FIBCD1: variants seen among roughly 807,000 people sequenced by gnomAD.
FIBCD1 encodes the protein fibrinogen C domain containing 1, also known as fibrinogen C domain-containing protein 1.
In FIBCD1, 47 loss-of-function variants were observed where a neutral mutation model predicts 45.1. The observed-to-expected ratio is 1.04, with a 90% CI of 0.82 to 1.33. The LOEUF (loss-of-function observed/expected upper bound fraction) is 1.33, where lower values mean the gene tolerates loss of function less well. Ranked by LOEUF, FIBCD1 falls within the 40% of genes most tolerant of loss-of-function variation. The pLI, the probability that FIBCD1 is intolerant of heterozygous loss-of-function variation, is 0.00. For synonymous variants in FIBCD1, 313 were observed against 308.1 expected (o/e 1.02, Z -0.17); for missense variants, 653 against 682.2 (o/e 0.96, Z 0.48).
In FIBCD1 at chr9:130,904,147, C is replaced by T. The variant is rs766248349; in HGVS notation, c.1303G>A (p.Val435Met). The T allele has an allele frequency of 3.5e-5, 56 of 1,613,420 alleles. No individual in the cohort carries two copies. In the Middle Eastern group the frequency reaches 4.9e-4, roughly 14 times the overall value. Reference sequence around the variant, plus strand: ...CAGCCGGTCCAGGAGGACCACTCCACGCCGTCGGCATAGGAGGCGTGCGCA... The same window carrying T: ...CAGCCGGTCCAGGAGGACCACTCCATGCCGTCGGCATAGGAGGCGTGCGCA... The part of the protein sequence containing the change: ...RGAHASYADG[V>M]EWSSWTGWQY... Residue 435 changes from valine to methionine, a missense_variant, in exon 7 of 7, where the codon GTG becomes ATG. By Grantham distance (21) the Val-to-Met change is conservative (BLOSUM62 1). Transcript: ENST00000372338.
chr9:130,927,328 TC>T (rs2133113168), intron 2 of FIBCD1, among the ~76,000 whole-genome samples: 1 of 152,180 alleles, frequency 6.6e-6, no homozygotes, highest in South Asian at 2.1e-4. Flanking sequence ...ACAAACAATT[TC>T]TACTATAATA....
At chr9:130,938,394 T>G in intron 1 of FIBCD1, 142 bp downstream of exon 1, 1 of 624,484 alleles carries the variant, frequency 1.6e-6, no homozygotes. Context: ...GAGAGGAGGG[T>G]CCCCATCCCG....
intron 4 of FIBCD1, among the ~76,000 whole-genome samples, chr9:130,912,704 GAAAAA>G (rs10538277): frequency 1.4e-5 from 2 of 141,944 alleles, no homozygotes; most frequent in Non-Finnish European, 3.1e-5. Context: ...AAAACTGTCT[GAAAAA>G]AAAAAAAGGG....
At chr9:130,909,750 A>G (rs1832001332) in intron 5 of FIBCD1, among the ~76,000 whole-genome samples, 1 of 145,180 alleles carries the variant, frequency 6.9e-6, no homozygotes, top group Admixed American at 7.2e-5. Context: ...TTGTTTAGAT[A>G]GTGAAATGTT....
chr9:130,940,143 G>T (rs1259237419), upstream of FIBCD1, among the ~76,000 whole-genome samples: 1 of 152,180 alleles, frequency 6.6e-6, no homozygotes, highest in Admixed American at 6.5e-5. Flanking sequence ...TCCCTCTCCC[G>T]ATCCCTCTAC....
chr9:130,937,436 C>A (rs903387449), intron 1 of FIBCD1, among the ~76,000 whole-genome samples: 1 of 152,084 alleles, frequency 6.6e-6, no homozygotes, highest in African/African-American at 2.4e-5. Flanking sequence ...GAGGTAGTGC[C>A]GATGAATGGG....
intron 4 of FIBCD1, among the ~76,000 whole-genome samples, chr9:130,918,197 T>C (rs1321176625): frequency 2.6e-5 from 4 of 152,264 alleles, no homozygotes; most frequent in Non-Finnish European, 5.9e-5. Flanking sequence ...TTAAATGTGC[T>C]GGTGCACAGC....
rs10585045 is a variant in FIBCD1 at position 130,936,972 on chromosome 9, G to GGTGT, written c.72+1560_72+1563dup. On this transcript the variant is annotated intron_variant, in intron 1 of 6. Transcript: ENST00000372338. ...TATGTAGGGTGTCCCTGAGTGAAGGGGTGTGTGTGTGTGTGTGTGTGTTTG... is the reference window on the plus strand; with the variant it reads ...TATGTAGGGTGTCCCTGAGTGAAGGGGTGTGTGTGTGTGTGTGTGTGTGTGTTTG... Among the ~76,000 whole-genome samples the GGTGT allele has an allele frequency of 8.9e-3, 1,341 of 150,554 alleles. 8 individuals carry two copies. Among genetic ancestry groups the GGTGT allele is most frequent in the Admixed American group, 0.015 (232 of 15,142 alleles).
Position 130,905,415 on chromosome 9 carries a change from T to C in FIBCD1, c.947-2A>G. ...TCAGGGCGTGGATCCTCTTGAGCCCTGAAGTTGGGGGGAAAATGGTGGGAG... is the reference window on the plus strand; with the variant it reads ...TCAGGGCGTGGATCCTCTTGAGCCCCGAAGTTGGGGGGAAAATGGTGGGAG... On this transcript the variant is annotated splice_acceptor_variant, in intron 5 of 6. Transcript: ENST00000372338. LOFTEE classifies it high-confidence loss of function. 2.5e-6 allele frequency: 4 copies of C among 1,604,350 alleles called. No homozygotes were observed. Among genetic ancestry groups the C allele is most frequent in the Non-Finnish European group, 3.4e-6 (4 of 1,174,778 alleles).
chr9:130,914,831 C>A (rs1832129295), intron 4 of FIBCD1, among the ~76,000 whole-genome samples: 1 of 152,226 alleles, frequency 6.6e-6, no homozygotes, highest in Admixed American at 6.5e-5. Context: ...CTGTTCCTGC[C>A]CCTGCGTCCC....
intron 4 of FIBCD1, among the ~76,000 whole-genome samples, chr9:130,912,420 G>A (rs1306960800): frequency 2.0e-5 from 3 of 147,610 alleles, no homozygotes; most frequent in Non-Finnish European, 4.5e-5. Context: ...AAAAAAAGTG[G>A]GGTGGGCCGG....
intron 5 of FIBCD1, 31 bp downstream of exon 5, chr9:130,911,761 A>T (rs770604739): frequency 1.9e-6 from 3 of 1,572,020 alleles, no homozygotes; most frequent in Non-Finnish European, 2.6e-6. Context: ...GAGGAGGCCC[A>T]CCTGGGCCGG....
At chr9:130,923,062 T>C (rs898328047) in intron 4 of FIBCD1, among the ~76,000 whole-genome samples, 1 of 152,192 alleles carries the variant, frequency 6.6e-6, no homozygotes, top group Non-Finnish European at 1.5e-5. Flanking sequence ...GAACCCAGTA[T>C]ACAGTAGGTG....
chr9:130,906,103 TGGC>T, intron 5 of FIBCD1, among the ~76,000 whole-genome samples: 1 of 152,146 alleles, frequency 6.6e-6, no homozygotes, highest in South Asian at 2.1e-4. Flanking sequence ...GGGAGGGAGT[TGGC>T]GGCACCCTCA....
At chr9:130,925,575 G>A (rs543503696) in intron 2 of FIBCD1, among the ~76,000 whole-genome samples, 2 of 152,238 alleles carry the variant, frequency 1.3e-5, no homozygotes, top group South Asian at 4.1e-4. Context: ...ATTCAGGAGA[G>A]CCTGGGCTGG....
chr9:130,923,152 G>C (rs1471544533), intron 4 of FIBCD1, among the ~76,000 whole-genome samples: 2 of 152,212 alleles, frequency 1.3e-5, no homozygotes, highest in Non-Finnish European at 2.9e-5. Flanking sequence ...CTTCAAAGCA[G>C]GGCGTCTGCC....
At chr9:130,921,829 C>T (rs936516069) in intron 4 of FIBCD1, among the ~76,000 whole-genome samples, 9 of 152,358 alleles carry the variant, frequency 5.9e-5, no homozygotes, top group Admixed American at 2.0e-4. Context: ...ATCCCCCAGA[C>T]GCAGCTCCAG....
At position 130,903,780 on chromosome 9, in the gene FIBCD1, AG is replaced by A; in HGVS notation, c.*283del. The A allele has an allele frequency of 1.9e-6, 1 of 540,288 alleles. No individual in the cohort carries two copies. The allele number at this position is 540,288 out of a possible 1,614,324, so 33.5% of individuals were successfully genotyped here. On this transcript the variant is annotated 3_prime_UTR_variant, in exon 7 of 7. Coordinates refer to ENST00000372338, the MANE Select transcript of FIBCD1 (RefSeq NM_032843.5). ...GCCAGGGGACGGCAAACAGCACCGG[AG>A]TCACAGTGGGGGCAGGCAGGAGTTG...
intron 5 of FIBCD1, 60 bp downstream of exon 5, chr9:130,911,732 T>G: frequency 6.8e-7 from 1 of 1,478,902 alleles, no homozygotes; most frequent in Non-Finnish European, 9.3e-7. Flanking sequence ...GGGACCCAAC[T>G]GTGTCCGGAA....
Sources: gnomAD v4.1 joint callset for allele counts (sites outside exome capture counted in the v4.1 genomes callset) on GRCh38, gnomAD v4.1.1 for gene constraint, MANE v1.5 for transcripts, NCBI Gene and HGNC (gene_info 2026-07-23, HGNC 2026-07-21) for gene names.